DYNLT1: variants seen among roughly 807,000 people sequenced by gnomAD.
The protein encoded by DYNLT1 is dynein light chain Tctex-type 1, also known as T-complex testis-specific protein 1 homolog.
A neutral mutation model predicts 19.6 loss-of-function variants in DYNLT1; 18 were observed. The observed-to-expected ratio is 0.92, with a 90% CI of 0.64 to 1.36. DYNLT1 has a LOEUF of 1.36. DYNLT1 is among the 40% of genes most tolerant of loss of function. DYNLT1 has a pLI of 0.00. For missense variants in DYNLT1, 137 were observed against 139.3 expected (o/e 0.98, Z 0.08); for synonymous variants, 56 against 44.0 (o/e 1.27, Z -1.07).
intron 4 of DYNLT1, 104 bp downstream of exon 4, chr6:158,637,024 A>G: frequency 6.5e-7 from 1 of 1,541,958 alleles, no homozygotes; most frequent in South Asian, 1.1e-5. Flanking sequence ...GTCTATTATT[A>G]AATGTTTTAA....
intron 1 of DYNLT1, 121 bp downstream of exon 1, chr6:158,644,561 G>A (rs1787303345): frequency 8.2e-7 from 1 of 1,213,132 alleles, no homozygotes; most frequent in Admixed American, 2.2e-5. Flanking sequence ...TCAGGCCGTG[G>A]GCTGCCGAGA....
chr6:158,637,962 C>A (rs2128337094), intron 2 of DYNLT1, 68 bp from the exon 3 acceptor site: 2 of 1,578,696 alleles, frequency 1.3e-6, no homozygotes, highest in East Asian at 4.5e-5. Flanking sequence ...CAATCAGGAA[C>A]TGACGGCACC....
At chr6:158,644,615 G>A (rs1311389316) in intron 1 of DYNLT1, 67 bp downstream of exon 1, 1 of 1,594,566 alleles carries the variant, frequency 6.3e-7, no homozygotes, top group African/African-American at 1.3e-5. Context: ...TTTCCGGGCA[G>A]GACCGCGTGT....
At chr6:158,638,469 G>A (rs561952132) in intron 2 of DYNLT1, among the ~76,000 whole-genome samples, 11 of 152,228 alleles carry the variant, frequency 7.2e-5, no homozygotes, top group African/African-American at 2.6e-4. Flanking sequence ...ATGTTGCCCA[G>A]GCTGGAGAGC....
chr6:158,639,384 G>C (rs1448457315), intron 2 of DYNLT1, among the ~76,000 whole-genome samples: 1 of 152,120 alleles, frequency 6.6e-6, no homozygotes, highest in Non-Finnish European at 1.5e-5. Context: ...AAAGGGTAGG[G>C]GGGGCTTTGT....
intron 1 of DYNLT1, among the ~76,000 whole-genome samples, chr6:158,643,474 A>AT (rs980241509): frequency 7.2e-5 from 11 of 151,870 alleles, no homozygotes; most frequent in Non-Finnish European, 1.3e-4. Flanking sequence ...CTTAAACGAA[A>AT]TTTTTTTCTT....
intron 3 of DYNLT1, 57 bp downstream of exon 3, chr6:158,637,714 C>T (rs758760975): frequency 6.2e-7 from 1 of 1,613,606 alleles, no homozygotes; most frequent in Non-Finnish European, 8.5e-7. Flanking sequence ...CTGGATGCCC[C>T]TCTGATCAGT....
intron 1 of DYNLT1, among the ~76,000 whole-genome samples, chr6:158,643,224 T>C (rs115250718): frequency 0.014 from 2,078 of 152,338 alleles, 62 homozygotes; most frequent in African/African-American, 0.048. Context: ...TCGATATTAC[T>C]GTAATACAAG....
At position 158,636,506 on chromosome 6, in the gene DYNLT1, A is replaced by ATAAAG; in HGVS notation, c.*316_*320dup. On this transcript the variant is annotated 3_prime_UTR_variant, in exon 5 of 5. Transcript: ENST00000367089. ...TTGAATAATTTATTCTAACAAAAGT[A>ATAAAG]TAAAGTATGGAAAATTAGTGTATTT... is the stretch of plus-strand genomic sequence containing the variant. 2 of 293,708 alleles carry ATAAAG rather than the reference A, an allele frequency of 6.8e-6. No individual in the cohort carries two copies. Among genetic ancestry groups the ATAAAG allele is most frequent in the South Asian group, 4.1e-5 (1 of 24,282 alleles). 18.2% of individuals were successfully genotyped at this position (293,708 alleles called of 1,614,324 possible). A position where few individuals can be genotyped will look rare whatever the true frequency, so the allele number is the denominator to read the frequency against.
rs531515226 is a variant in DYNLT1 at position 158,641,114 on chromosome 6, TA to T, written c.69+204del. Among the ~76,000 whole-genome samples the T allele has an allele frequency of 7.9e-5, 12 of 152,362 alleles. No individual in the cohort carries two copies. The South Asian group carries it at 2.5e-3, about 32-fold the overall frequency. On this transcript the variant is annotated intron_variant, in intron 2 of 4. Coordinates refer to ENST00000367089, the MANE Select transcript of DYNLT1 (RefSeq NM_006519.4). The stretch of plus-strand genomic sequence containing the variant: ...ATATGCAGTAATAATGCTATGTACA[TA>T]AAACTCCTTATCTGATTTAAAATAT...
rs1271477086 is a variant in DYNLT1, at chr6:158,636,587, C to T, written c.*240G>A. On this transcript the variant is annotated 3_prime_UTR_variant, in exon 5 of 5. Transcript: ENST00000367089. ...CACTAGCAGATTTCAGATTTTAGCA[C>T]CTTTGAAATGAAATATTCAGAGTTA... 7 of 459,438 alleles carry T rather than the reference C, an allele frequency of 1.5e-5. No homozygotes were observed. Among genetic ancestry groups the T allele is most frequent in the Non-Finnish European group, 2.8e-5 (7 of 253,064 alleles). 28.5% of individuals were successfully genotyped at this position (459,438 alleles called of 1,614,324 possible). A position where few individuals can be genotyped will look rare whatever the true frequency, so the allele number is the denominator to read the frequency against.
intron 2 of DYNLT1, 37 bp downstream of exon 2, chr6:158,641,282 C>T: frequency 6.4e-7 from 1 of 1,556,744 alleles, no homozygotes; most frequent in African/African-American, 1.4e-5. Flanking sequence ...TAATATAAGC[C>T]ATTAAACATT....
At position 158,637,165 on chromosome 6, in the gene DYNLT1, G is replaced by A; in HGVS notation, c.234C>T (p.His78=). 1 of 1,614,228 alleles carries A rather than the reference G, an allele frequency of 6.2e-7. No homozygotes were observed. Among genetic ancestry groups the A allele is most frequent in the South Asian group, 1.1e-5 (1 of 91,086 alleles). The change falls in exon 4 of 5, where the codon CAC becomes CAT. Residue 78 remains histidine (H), a synonymous_variant. Transcript: ENST00000367089. The part of the protein sequence containing the change: ...VIMQKNGAGL[H]TASSCFWDSS... ...TGTCCCAGAAGCAGGAACTTGCTGT[G>A]TGTAATCCAGCTCCATTCTTCTGCA...
At chr6:158,637,320 A>G (rs1374615432) in intron 3 of DYNLT1, 115 bp from the exon 4 acceptor site, 3 of 909,202 alleles carry the variant, frequency 3.3e-6, no homozygotes, top group Non-Finnish European at 5.1e-6. Flanking sequence ...TGTTCTCGAT[A>G]AAAATTATAG....
intron 1 of DYNLT1, among the ~76,000 whole-genome samples, chr6:158,644,280 C>A (rs1787272063): frequency 6.6e-6 from 1 of 151,836 alleles, no homozygotes. Flanking sequence ...CCGGCCGCCG[C>A]GCCCCGCTCC....
Position 158,636,475 on chromosome 6 carries a change from T to C in DYNLT1, c.*352A>G, listed in dbSNP as rs372045234. On this transcript the variant is annotated 3_prime_UTR_variant, in exon 5 of 5. Transcript: ENST00000367089. ...CAGACTATGAAGAACACAACAGACT[T>C]TAGATTTGAATAATTTATTCTAACA... 1.1e-3 allele frequency: 277 copies of C among 257,084 alleles called. 1 individual carries two copies. The highest frequency in any genetic ancestry group is 5.8e-3 in the African/African-American group (262 of 45,182). 15.9% of individuals were successfully genotyped at this position (257,084 alleles called of 1,614,324 possible). A position where few individuals can be genotyped will look rare whatever the true frequency, so the allele number is the denominator to read the frequency against.
chr6:158,644,613 C>G, intron 1 of DYNLT1, 69 bp downstream of exon 1: 2 of 1,593,404 alleles, frequency 1.3e-6, no homozygotes, highest in South Asian at 1.1e-5. Context: ...CCTTTCCGGG[C>G]AGGACCGCGT....
At position 158,636,916 on chromosome 6, in the gene DYNLT1, C is replaced by T. The variant is rs1172893744; in HGVS notation, c.272-19G>A. ...CAGCTCCCTGCGGGAGGGAAGAGAG[C>T]AGCATTTACGGCAGGGAAAGCTGGG... On this transcript the variant is annotated intron_variant, in intron 4 of 4. Coordinates refer to ENST00000367089, the MANE Select transcript of DYNLT1 (RefSeq NM_006519.4). 2.5e-6 allele frequency: 4 copies of T among 1,612,830 alleles called. No individual in the cohort carries two copies. The South Asian group carries it at 4.4e-5, about 18-fold the overall frequency.
chr6:158,644,198 G>A (rs1787262228), intron 1 of DYNLT1, among the ~76,000 whole-genome samples: 2 of 151,942 alleles, frequency 1.3e-5, no homozygotes, highest in African/African-American at 4.8e-5. Context: ...GCCAGCCCGG[G>A]GCGGAGGGGC....
Sources: gnomAD v4.1 joint callset for allele counts (sites outside exome capture counted in the v4.1 genomes callset) on GRCh38, gnomAD v4.1.1 for gene constraint, MANE v1.5 for transcripts, NCBI Gene and HGNC (gene_info 2026-07-23, HGNC 2026-07-21) for gene names.